The following CRIM1 variants were observed in gnomAD, a reference collection of about 807,000 sequenced individuals.
CRIM1 encodes the protein cysteine rich transmembrane BMP regulator 1, also known as cysteine-rich motor neuron 1 protein.
Under a neutral mutation model 116.4 loss-of-function variants are expected in CRIM1, and 32 were observed. The ratio of observed to expected loss-of-function variants is 0.27; its 90% CI spans 0.21 to 0.37. CRIM1 has a LOEUF of 0.37. CRIM1 is among the 10% of genes least tolerant of loss of function. The pLI, the probability that CRIM1 is intolerant of heterozygous loss-of-function variation, is 1.00. For synonymous variants in CRIM1, 590 were observed against 509.2 expected (o/e 1.16, Z -2.13); for missense variants, 1,331 against 1,354.8 (o/e 0.98, Z 0.28).
At chr2:36,392,774 C>T (rs984843305) in intron 1 of CRIM1, among the ~76,000 whole-genome samples, 5 of 152,022 alleles carry the variant, frequency 3.3e-5, no homozygotes, top group African/African-American at 9.6e-5. Flanking sequence ...AACCATTTCC[C>T]AAGAAGAAAA....
At chr2:36,427,331 A>C (rs554003508) in intron 2 of CRIM1, among the ~76,000 whole-genome samples, 1 of 152,344 alleles carries the variant, frequency 6.6e-6, no homozygotes, top group African/African-American at 2.4e-5. Flanking sequence ...AGGCAGATGC[A>C]TCCACTCAAT....
At position 36,356,573 on chromosome 2, in the gene CRIM1, C is replaced by T; in HGVS notation, c.281C>T (p.Pro94Leu). The change falls in exon 1 of 17, where the codon CCC (proline) becomes CTC (leucine). Residue 94 changes from proline (P) to leucine (L), a missense_variant. Pro to Leu is a moderately conservative substitution (Grantham distance 98, BLOSUM62 -3). Coordinates refer to ENST00000280527, the MANE Select transcript of CRIM1 (RefSeq NM_016441.3). This position sits in a 1 kb window ranked among gnomAD's most constrained non-coding sequence, Gnocchi z 4.3. ...CDRGLRCVIR[P>L]PLNGDSLTEY... ...CGGGGGCTGCGTTGTGTCATCCGCCCCCCGCTCAATGGCGACTCCCTCACC... is the reference window on the plus strand; with the variant it reads ...CGGGGGCTGCGTTGTGTCATCCGCCTCCCGCTCAATGGCGACTCCCTCACC... The T allele has an allele frequency of 1.2e-6, 2 of 1,612,300 alleles. No homozygotes were observed. Among genetic ancestry groups the T allele is most frequent in the South Asian group, 1.1e-5 (1 of 91,070 alleles).
At chr2:36,414,246 T>A (rs185143645) in intron 2 of CRIM1, among the ~76,000 whole-genome samples, 128 of 152,318 alleles carry the variant, frequency 8.4e-4, no homozygotes, top group African/African-American at 2.9e-3. Flanking sequence ...CAAATCCTTA[T>A]AGCCTTAAAA....
intron 2 of CRIM1, among the ~76,000 whole-genome samples, chr2:36,408,151 A>G (rs574075497): frequency 6.6e-6 from 1 of 152,328 alleles, no homozygotes; most frequent in Non-Finnish European, 1.5e-5. Context: ...CTTATTGTTA[A>G]TATTGCAAGG....
chr2:36,381,324 C>T (rs1000504358), intron 1 of CRIM1, among the ~76,000 whole-genome samples: 15 of 152,174 alleles, frequency 9.9e-5, no homozygotes, highest in Middle Eastern at 3.2e-3. Flanking sequence ...AGGCAGCTCC[C>T]GCTAGACTCC....
intron 2 of CRIM1, among the ~76,000 whole-genome samples, chr2:36,409,145 T>A (rs1673030483): frequency 6.6e-6 from 1 of 152,168 alleles, no homozygotes; most frequent in Admixed American, 6.5e-5. Context: ...CCTACTTTCC[T>A]CCAGTTCTTG....
At chr2:36,468,765 C>G (rs762713148) in intron 5 of CRIM1, among the ~76,000 whole-genome samples, 1 of 152,172 alleles carries the variant, frequency 6.6e-6, no homozygotes, top group African/African-American at 2.4e-5. Context: ...CCCCTGCTGT[C>G]TTACACATGG....
chr2:36,518,915 G>T (rs1312862284), intron 12 of CRIM1, among the ~76,000 whole-genome samples: 1 of 152,168 alleles, frequency 6.6e-6, no homozygotes, highest in Non-Finnish European at 1.5e-5. Context: ...GAACTATGGG[G>T]ATTCCAAGGT....
In CRIM1 at chr2:36,524,223, C is replaced by G. The variant is rs78639896; in HGVS notation, c.2428+1910C>G. On this transcript the variant is annotated intron_variant, in intron 13 of 16. Transcript: ENST00000280527. Reference sequence around the variant, plus strand: ...TAGCACCGGCTTCTCTGTACTCTACCCCTAAGCTTTCTAGCTCCTAAGTGG... The same window carrying G: ...TAGCACCGGCTTCTCTGTACTCTACGCCTAAGCTTTCTAGCTCCTAAGTGG... Among the ~76,000 whole-genome samples the G allele has an allele frequency of 9.2e-3, 1,399 of 152,256 alleles. 24 individuals are homozygous for G. The highest frequency in any genetic ancestry group is 0.032 in the African/African-American group (1,341 of 41,552).
At chr2:36,379,868 T>C (rs1484584559) in intron 1 of CRIM1, among the ~76,000 whole-genome samples, 1 of 150,874 alleles carries the variant, frequency 6.6e-6, no homozygotes, top group African/African-American at 2.4e-5. Context: ...GGTCAAACTT[T>C]ACTCATAAGG....
At position 36,550,781 on chromosome 2, in the gene CRIM1, C is replaced by G. The variant is rs1236117771; in HGVS notation, c.*2080C>G. 6.6e-6 allele frequency: 1 copy of G among 152,356 alleles called. No individual in the cohort carries two copies. The highest frequency in any genetic ancestry group is 1.5e-5 in the Non-Finnish European group (1 of 67,966). 9.4% of individuals were successfully genotyped at this position (152,356 alleles called of 1,614,324 possible). A position where few individuals can be genotyped will look rare whatever the true frequency, so the allele number is the denominator to read the frequency against. On this transcript the variant is annotated 3_prime_UTR_variant, in exon 17 of 17. Transcript: ENST00000280527. ...AGTATAAATTTTGTTGGTAATTAAT[C>G]CATTCCTGGCATAAAAAGTCTTTAT...
chr2:36,435,622 A>T (rs989540729), intron 2 of CRIM1, among the ~76,000 whole-genome samples: 1 of 148,130 alleles, frequency 6.8e-6, no homozygotes, highest in Non-Finnish European at 1.5e-5. Context: ...AAGTAATCGC[A>T]GTTTTTGTCA....
intron 1 of CRIM1, among the ~76,000 whole-genome samples, chr2:36,376,106 A>G (rs1251065990): frequency 6.6e-6 from 1 of 152,214 alleles, no homozygotes; most frequent in Non-Finnish European, 1.5e-5. Flanking sequence ...CCTAAGCTTA[A>G]CCCCAACATA....
chr2:36,522,146 A>G lies in CRIM1; in HGVS notation c.2261A>G (p.Lys754Arg), dbSNP rs1182543650. 6 of 1,614,100 alleles carry G rather than the reference A, an allele frequency of 3.7e-6. No homozygotes were observed. The South Asian group carries it at 4.4e-5, about 12-fold the overall frequency. The change falls in exon 13 of 17, where the codon AAA (lysine) becomes AGA (arginine). Residue 754 changes from lysine (K) to arginine (R), a missense_variant. Coordinates refer to ENST00000280527, the MANE Select transcript of CRIM1 (RefSeq NM_016441.3). ...AATAACAGCGTACCTAATTACTGCA[A>G]AAATGATGAAGGGGATATATTCCTG... ...SRNNSVPNYC[K>R]NDEGDIFLAA...
intron 13 of CRIM1, among the ~76,000 whole-genome samples, chr2:36,524,986 G>A (rs1284912403): frequency 1.3e-5 from 2 of 152,112 alleles, no homozygotes; most frequent in Non-Finnish European, 2.9e-5. Context: ...TAATGGTATA[G>A]TGGACATTTT....
At position 36,404,490 on chromosome 2, in the gene CRIM1, G is replaced by A. The variant is rs534868101; in HGVS notation, c.505+7703G>A. The stretch of plus-strand genomic sequence containing the variant: ...TCTACAAGTACCTTCCGAGGCGACC[G>A]CTTTCAGTTTAGAGCTGCTTTAATT... On this transcript the variant is annotated intron_variant, in intron 2 of 16. Coordinates refer to ENST00000280527, the MANE Select transcript of CRIM1 (RefSeq NM_016441.3). Among the ~76,000 whole-genome samples the A allele has an allele frequency of 4.6e-5, 7 of 152,230 alleles. No homozygotes were observed. In the South Asian group the frequency reaches 6.2e-4, roughly 14 times the overall value.
At chr2:36,513,487 A>G (rs1664826296) in intron 10 of CRIM1, 69 bp from the exon 11 acceptor site, 2 of 1,296,092 alleles carry the variant, frequency 1.5e-6, no homozygotes, top group Non-Finnish European at 2.2e-6. Flanking sequence ...CAGTCCATGT[A>G]CAGACTCTGT....
intron 4 of CRIM1, among the ~76,000 whole-genome samples, chr2:36,443,560 C>T (rs1418468073): frequency 6.6e-6 from 1 of 152,152 alleles, no homozygotes; most frequent in Non-Finnish European, 1.5e-5. Context: ...TTTCGTTCTG[C>T]GTTTAATAGG....
chr2:36,376,161 G>A (rs1670303454), intron 1 of CRIM1, among the ~76,000 whole-genome samples: 1 of 152,164 alleles, frequency 6.6e-6, no homozygotes, highest in African/African-American at 2.4e-5. Flanking sequence ...ACTTCAAGGT[G>A]GGAATCAATA....
Sources: allele counts gnomAD v4.1 joint callset (sites outside exome capture counted in the v4.1 genomes callset), GRCh38; gene constraint gnomAD v4.1.1; non-coding constraint Gnocchi (gnomAD v3.1); transcripts MANE v1.5; gene names NCBI Gene and HGNC (gene_info 2026-07-23, HGNC 2026-07-21).